Variants in PRPF6 observed in about 807,000 individuals in gnomAD.
The protein encoded by PRPF6 is pre-mRNA-processing factor 6.
A neutral mutation model predicts 118.3 loss-of-function variants in PRPF6; 42 were observed. The ratio of observed to expected loss-of-function variants is 0.35; its 90% CI spans 0.28 to 0.46. PRPF6 has a LOEUF of 0.46. PRPF6 is among the 20% of genes least tolerant of loss of function. The pLI, the probability that PRPF6 is intolerant of heterozygous loss-of-function variation, is 1.00. For missense variants in PRPF6, 662 were observed against 1,255.7 expected, an observed-to-expected ratio of 0.53 and a Z score of 7.15; for synonymous variants, 481 against 485.1, an observed-to-expected ratio of 0.99 and a Z score of 0.11.
At chr20:63,988,319 C>CAA (rs544577872) in intron 3 of PRPF6, among the ~76,000 whole-genome samples, 19 of 114,140 alleles carry the variant, frequency 1.7e-4, no homozygotes, top group South Asian at 8.2e-4. Flanking sequence ...GACTCTGTCT[C>CAA]AAAAAAAAAA....
At chr20:63,987,674 T>C (rs1443837450) in intron 3 of PRPF6, among the ~76,000 whole-genome samples, 1 of 152,254 alleles carries the variant, frequency 6.6e-6, no homozygotes, top group East Asian at 1.9e-4. Context: ...TATCCTTGTT[T>C]GCAGATGATA....
At chr20:63,988,879 AAAG>A (rs1358515724) in intron 3 of PRPF6, among the ~76,000 whole-genome samples, 1 of 152,124 alleles carries the variant, frequency 6.6e-6, no homozygotes, top group Non-Finnish European at 1.5e-5. Context: ...AAAAAAAAAA[AAAG>A]AAAAAGAAAA....
At chr20:64,015,194 C>T (rs563187674) in intron 11 of PRPF6, among the ~76,000 whole-genome samples, 6 of 152,328 alleles carry the variant, frequency 3.9e-5, no homozygotes, top group African/African-American at 1.4e-4. Context: ...TGACTTTTGC[C>T]GTGGTTCAAA....
intron 3 of PRPF6, among the ~76,000 whole-genome samples, chr20:63,989,145 C>T (rs577150159): frequency 5.9e-5 from 9 of 152,242 alleles, no homozygotes; most frequent in African/African-American, 1.9e-4. Flanking sequence ...GGGGAAAAGA[C>T]AATCTCTTCA....
chr20:63,995,216 G>A (rs1276537924), intron 5 of PRPF6, 111 bp from the exon 6 acceptor site: 3 of 1,571,440 alleles, frequency 1.9e-6, no homozygotes, highest in Non-Finnish European at 2.6e-6. Flanking sequence ...GAGTCTGTCT[G>A]CACAGCTGTG....
At chr20:64,003,753 G>T (rs1290821400) in intron 9 of PRPF6, among the ~76,000 whole-genome samples, 12 of 152,126 alleles carry the variant, frequency 7.9e-5, no homozygotes, top group Admixed American at 7.9e-4. Flanking sequence ...CCGCCACCAG[G>T]CCTGGCTAAT....
rs1439559936 is a variant in PRPF6 at position 63,993,085 on chromosome 20, G to A, written c.360-322G>A. 3.3e-5 allele frequency among the ~76,000 whole-genome samples: 5 copies of A among 151,302 alleles called. No individual in the cohort carries two copies. The Admixed American group carries it at 3.3e-4, about 10-fold the overall frequency. Reference sequence around the variant, plus strand: ...ACAAAAATTAGCTGGGAGTGGTGGCGAGCACCTGTAATCCCAGCTACTTGG... The same window carrying A: ...ACAAAAATTAGCTGGGAGTGGTGGCAAGCACCTGTAATCCCAGCTACTTGG... On this transcript the variant is annotated intron_variant, in intron 3 of 20. Coordinates refer to ENST00000266079, the MANE Select transcript of PRPF6 (RefSeq NM_012469.4).
intron 12 of PRPF6, among the ~76,000 whole-genome samples, chr20:64,020,433 A>G (rs2059257514): frequency 6.6e-6 from 1 of 152,054 alleles, no homozygotes; most frequent in Non-Finnish European, 1.5e-5. Flanking sequence ...AAATCCTTTC[A>G]GCATCTGCAG....
chr20:64,015,025 A>G (rs766728318), intron 11 of PRPF6, among the ~76,000 whole-genome samples: 5 of 152,082 alleles, frequency 3.3e-5, no homozygotes, highest in Non-Finnish European at 5.9e-5. Context: ...TCCTTTGCCT[A>G]CTTTTACATT....
In PRPF6 at chr20:64,010,265, G is replaced by A. The variant is rs1297422973; in HGVS notation, c.1252G>A (p.Asp418Asn). The A allele has an allele frequency of 1.2e-6, 2 of 1,614,044 alleles. No homozygotes were observed. The highest frequency in any genetic ancestry group is 1.3e-5 in the African/African-American group (1 of 74,954). ...KAAVELEEPE[D>N]ARIMLSRAVE... ...AGCCGTTGAGCTGGAAGAACCTGAA[G>A]ATGCTAGAATCATGCTGAGCCGAGC... The change falls in exon 10 of 21, where the codon GAT (aspartate) becomes AAT (asparagine). Residue 418 changes from aspartate to asparagine, a missense_variant. By Grantham distance (23) the Asp-to-Asn change is conservative. Around this residue, in one of 10 missense-constraint regions of PRPF6, gnomAD observed 189 missense variants for 323.5 expected, o/e 0.58. Coordinates refer to ENST00000266079, the MANE Select transcript of PRPF6 (RefSeq NM_012469.4).
rs1215558007 is a variant in PRPF6, at chr20:63,993,215, CA to C, written c.360-181del. ...TGGGTGACAGAGCAAGACTCCATCT[CA>C]AAAAAAAAAATGTGTGTGTGTGTGT... On this transcript the variant is annotated intron_variant, in intron 3 of 20. Transcript: ENST00000266079. Among the ~76,000 whole-genome samples the C allele has an allele frequency of 1.6e-3, 183 of 117,834 alleles. 1 individual carries two copies. Among genetic ancestry groups the C allele is most frequent in the Middle Eastern group, 8.5e-3 (2 of 236 alleles). 77.3% of individuals were successfully genotyped at this position (117,834 alleles called of 152,430 possible).
At position 64,027,991 on chromosome 20, in the gene PRPF6, G is replaced by T. The variant is rs1476449336; in HGVS notation, c.2339+255G>T. Among the ~76,000 whole-genome samples, 5 of 152,268 alleles carry T rather than the reference G, an allele frequency of 3.3e-5. 1 individual carries two copies. Among genetic ancestry groups the T allele is most frequent in the African/African-American group, 1.2e-4 (5 of 41,534 alleles). The stretch of plus-strand genomic sequence containing the variant: ...TGGAGGGCGCCTGGGAGAGGGAGGG[G>T]TTAATGATGGCTGGGACGAGGGAAG... On this transcript the variant is annotated intron_variant, in intron 17 of 20. Transcript: ENST00000266079. The surrounding 1 kb of genome is among the most constrained non-coding windows in gnomAD (Gnocchi z 6.5).
Position 63,995,599 on chromosome 20 carries a change from CCTT to C in PRPF6, c.771+123_771+125del, listed in dbSNP as rs770019936. ...TTCTTCTCCTCCTTCTCCTCCTCCT[CCTT>C]CTTCTCCTTCTCCTTTTTTTTTTTT... is the stretch of plus-strand genomic sequence containing the variant. On this transcript the variant is annotated intron_variant, in intron 6 of 20. Coordinates refer to ENST00000266079, the MANE Select transcript of PRPF6 (RefSeq NM_012469.4). The C allele has an allele frequency of 7.4e-3, 8,388 of 1,128,616 alleles. 57 individuals are homozygous for C. Among genetic ancestry groups the C allele is most frequent in the Non-Finnish European group, 8.9e-3 (7,075 of 792,018 alleles). 69.9% of individuals were successfully genotyped at this position (1,128,616 alleles called of 1,614,324 possible).
At chr20:64,012,864 T>G (rs866519760) in intron 11 of PRPF6, among the ~76,000 whole-genome samples, 1 of 108,020 alleles carries the variant, frequency 9.3e-6, no homozygotes, top group Non-Finnish European at 1.9e-5. Flanking sequence ...GGAAGTCTCA[T>G]GGCTTCTTTC....
intron 3 of PRPF6, among the ~76,000 whole-genome samples, chr20:63,988,996 T>C (rs1369282392): frequency 1.1e-4 from 16 of 152,134 alleles, no homozygotes. Context: ...CAAATTATAC[T>C]ACAGAGCTGT....
intron 9 of PRPF6, among the ~76,000 whole-genome samples, chr20:64,002,688 G>C (rs1293560792): frequency 6.9e-6 from 1 of 145,880 alleles, no homozygotes; most frequent in Non-Finnish European, 1.5e-5. Flanking sequence ...TTGTCCCCCA[G>C]GCTGGAGTGC....
At chr20:64,004,786 C>T (rs75100087) in intron 9 of PRPF6, among the ~76,000 whole-genome samples, 16,088 of 152,210 alleles carry the variant, frequency 0.11, 1,015 homozygotes, top group Middle Eastern at 0.17. Context: ...TGGGGAGGCC[C>T]GACTGGCAGC....
intron 3 of PRPF6, among the ~76,000 whole-genome samples, chr20:63,986,529 C>T (rs1328935315): frequency 6.8e-6 from 1 of 147,004 alleles, no homozygotes; most frequent in African/African-American, 2.5e-5. Flanking sequence ...CGCTCTGTTG[C>T]CCAGGCTGGA....
At chr20:63,996,769 CA>C (rs1174318694) in intron 6 of PRPF6, among the ~76,000 whole-genome samples, 1 of 152,040 alleles carries the variant, frequency 6.6e-6, no homozygotes, top group East Asian at 1.9e-4. Flanking sequence ...TCTGTCTCTA[CA>C]AAAACTAAAA....
Sources: gnomAD v4.1 joint callset for allele counts (sites outside exome capture counted in the v4.1 genomes callset) on GRCh38, gnomAD v4.1.1 for gene constraint, gnomAD v4.1.1 regional missense constraint, Gnocchi (gnomAD v3.1) non-coding constraint, MANE v1.5 for transcripts, NCBI Gene and HGNC (gene_info 2026-07-23, HGNC 2026-07-21) for gene names.